TTLL4: variants seen among roughly 807,000 people sequenced by gnomAD.
TTLL4 encodes tubulin monoglutamylase TTLL4.
In TTLL4, 85 loss-of-function variants were observed where a neutral mutation model predicts 122.7. The ratio of observed to expected loss-of-function variants is 0.69; its 90% CI spans 0.58 to 0.83. TTLL4 has a LOEUF of 0.83. TTLL4 is among the 40% of genes least tolerant of loss of function. The probability of loss-of-function intolerance (pLI) is 0.00; values close to 1 mark genes in which losing one functional copy is unlikely to be tolerated. For missense variants in TTLL4, 1,363 were observed against 1,488.6 expected, an observed-to-expected ratio of 0.92 and a Z score of 1.39; for synonymous variants, 553 against 563.0, an observed-to-expected ratio of 0.98 and a Z score of 0.25.
chr2:218,740,445 G>A, intron 4 of TTLL4, 76 bp from the exon 5 acceptor site: 7 of 1,492,734 alleles, frequency 4.7e-6, no homozygotes, highest in Non-Finnish European at 6.5e-6. Flanking sequence ...GATATTCAAG[G>A]AAGAGTTGCC....
rs186419037 is a variant in TTLL4 at position 218,720,530 on chromosome 2, C to T, written c.-177-6739C>T. On this transcript the variant is annotated intron_variant, in intron 1 of 19. Coordinates refer to ENST00000392102, the MANE Select transcript of TTLL4 (RefSeq NM_014640.5). Reference sequence around the variant, plus strand: ...TCTCTACAAAAATACAAAAATTATCCGGGCACGATGGCGGGTGCCTGTAAT... The same window carrying T: ...TCTCTACAAAAATACAAAAATTATCTGGGCACGATGGCGGGTGCCTGTAAT... Among the ~76,000 whole-genome samples the T allele has an allele frequency of 2.9e-3, 445 of 152,002 alleles. 2 individuals carry two copies. Among genetic ancestry groups the T allele is most frequent in the African/African-American group, 9.4e-3 (389 of 41,464 alleles).
At chr2:218,722,468 G>C (rs955747560) in intron 1 of TTLL4, among the ~76,000 whole-genome samples, 3 of 152,058 alleles carry the variant, frequency 2.0e-5, no homozygotes, top group Non-Finnish European at 2.9e-5. Context: ...AATGATTGGG[G>C]TAGGACAATA....
chr2:218,745,644 C>A, intron 6 of TTLL4, 47 bp from the exon 7 acceptor site: 1 of 1,289,542 alleles, frequency 7.8e-7, no homozygotes, highest in Non-Finnish European at 1.1e-6. Context: ...TCATGACTCT[C>A]TGCTCCTCTC....
intron 2 of TTLL4, among the ~76,000 whole-genome samples, chr2:218,735,514 C>A (rs143933157): frequency 6.6e-6 from 1 of 152,144 alleles, no homozygotes; most frequent in African/African-American, 2.4e-5. Context: ...TCTGAGGCTG[C>A]AGTGAGCCAT....
intron 16 of TTLL4, 57 bp downstream of exon 16, chr2:218,751,863 G>T: frequency 1.5e-6 from 2 of 1,335,384 alleles, no homozygotes; most frequent in South Asian, 1.4e-5. Context: ...TCAAACATTT[G>T]GGACCCAAAA....
chr2:218,746,395 T>G, intron 8 of TTLL4, 164 bp downstream of exon 8: 1 of 672,992 alleles, frequency 1.5e-6, no homozygotes, highest in South Asian at 1.8e-5. Context: ...AGTGAGAGAC[T>G]CCAGTGGATC....
intron 1 of TTLL4, among the ~76,000 whole-genome samples, chr2:218,722,111 A>C (rs1188607277): frequency 6.6e-6 from 1 of 152,150 alleles, no homozygotes; most frequent in Non-Finnish European, 1.5e-5. Flanking sequence ...GCAAGACCTT[A>C]TCTCTACAAA....
rs189256953 is a variant in TTLL4, at chr2:218,738,823, G to C, written c.1147G>C (p.Ala383Pro). 2.1e-5 allele frequency: 34 copies of C among 1,614,204 alleles called. No homozygotes were observed. Among genetic ancestry groups the C allele is most frequent in the Non-Finnish European group, 8.5e-7 (1 of 1,180,042 alleles). The change falls in exon 3 of 20, where the codon GCG becomes CCG. Residue 383 changes from alanine (A) to proline (P), a missense_variant. This residue lies in a region of TTLL4 where 760 missense variants were observed against 808.4 expected (regional missense o/e 0.94). Coordinates refer to ENST00000392102, the MANE Select transcript of TTLL4 (RefSeq NM_014640.5). ...CAGGAGCAGGCGGTGGAAACCTCCT[G>C]CGGTAAATCAGCAGTTTCCTCAGGA... ...LNRSRRWKPP[A>P]VNQQFPQEDA...
At chr2:218,728,395 C>T (rs547807738) in intron 2 of TTLL4, among the ~76,000 whole-genome samples, 1 of 152,256 alleles carries the variant, frequency 6.6e-6, no homozygotes, top group African/African-American at 2.4e-5. Context: ...CAACCTAGAT[C>T]CCTTACATGG....
At position 218,747,612 on chromosome 2, in the gene TTLL4, C is replaced by G. The variant is rs528488196; in HGVS notation, c.2265C>G (p.Pro755=). 5.0e-6 allele frequency: 8 copies of G among 1,614,096 alleles called. No homozygotes were observed. The highest frequency in any genetic ancestry group is 1.6e-4 in the Middle Eastern group (1 of 6,082). The change falls in exon 11 of 20, where the codon CCC becomes CCG. Residue 755 remains proline, a synonymous_variant. Transcript: ENST00000392102. This position sits in a 1 kb window ranked among gnomAD's most constrained non-coding sequence, Gnocchi z 4.7. ...TCCTATGTAGGTATCTACACAAACC[C>G]TACCTCATCAGCGGCAGCAAGTTTG... ...PLLVQRYLHK[P]YLISGSKFDL... is the part of the protein sequence containing the mutation.
chr2:218,752,861 A>G lies in TTLL4; in HGVS notation c.3075A>G (p.Arg1025=). 6.2e-7 allele frequency: 1 copy of G among 1,614,084 alleles called. No individual in the cohort carries two copies. Among genetic ancestry groups the G allele is most frequent in the Non-Finnish European group, 8.5e-7 (1 of 1,180,024 alleles). The change falls in exon 17 of 20, where the codon CGA becomes CGG. Residue 1025 remains arginine (R), a synonymous_variant. Transcript: ENST00000392102. ...TTTCTCGCCGTGGTCAGTTTGAACG[A>G]ATTTTTCCTTCTCATATCTCCTCTC... ...DEFSRRGQFE[R]IFPSHISSRY...
downstream of TTLL4, among the ~76,000 whole-genome samples, chr2:218,759,208 G>A (rs904631161): frequency 1.5e-4 from 23 of 151,924 alleles, no homozygotes; most frequent in African/African-American, 5.1e-4. Flanking sequence ...TCGCCCCATT[G>A]CACTCCAGCC....
chr2:218,725,163 T>A (rs1228547501), intron 1 of TTLL4, among the ~76,000 whole-genome samples: 1 of 152,112 alleles, frequency 6.6e-6, no homozygotes, highest in African/African-American at 2.4e-5. Flanking sequence ...CACCTTGGCC[T>A]CCCAAAGTGC....
At chr2:218,724,594 A>C (rs1443483957) in intron 1 of TTLL4, among the ~76,000 whole-genome samples, 5 of 152,320 alleles carry the variant, frequency 3.3e-5, no homozygotes, top group South Asian at 2.1e-4. Context: ...GTTGCTGCAA[A>C]TGATGGGAGT....
chr2:218,718,868 G>C (rs1171483903), intron 1 of TTLL4, among the ~76,000 whole-genome samples: 1 of 152,176 alleles, frequency 6.6e-6, no homozygotes, highest in Non-Finnish European at 1.5e-5. Flanking sequence ...TCTGGAGCCA[G>C]GGACATCAGT....
At chr2:218,731,566 G>A (rs1448969167) in intron 2 of TTLL4, among the ~76,000 whole-genome samples, 1 of 152,182 alleles carries the variant, frequency 6.6e-6, no homozygotes, top group African/African-American at 2.4e-5. Context: ...AAGGGGCAGA[G>A]GGGAGATAGA....
In TTLL4 at chr2:218,752,819, T is replaced by G; in HGVS notation, c.3033T>G (p.Val1011=). The G allele has an allele frequency of 6.2e-7, 1 of 1,614,204 alleles. No individual in the cohort carries two copies. Among genetic ancestry groups the G allele is most frequent in the Non-Finnish European group, 8.5e-7 (1 of 1,180,034 alleles). The part of the protein sequence containing the change: ...VLTPDDVRIL[V]EMEDEFSRRG... ...CACCAGATGATGTTCGGATTCTGGTTGAGATGGAAGATGAGTTTTCTCGCC... is the reference window on the plus strand; with the variant it reads ...CACCAGATGATGTTCGGATTCTGGTGGAGATGGAAGATGAGTTTTCTCGCC... Residue 1011 remains valine, a synonymous_variant, in exon 17 of 20, where the codon GTT becomes GTG. Coordinates refer to ENST00000392102, the MANE Select transcript of TTLL4 (RefSeq NM_014640.5).
chr2:218,729,868 A>G (rs1942316243), intron 2 of TTLL4, among the ~76,000 whole-genome samples: 1 of 151,490 alleles, frequency 6.6e-6, no homozygotes, highest in Admixed American at 6.6e-5. Flanking sequence ...TGATCCTCCC[A>G]CTTCAGCCTC....
chr2:218,749,513 G>A, intron 14 of TTLL4, 126 bp downstream of exon 14: 1 of 1,380,638 alleles, frequency 7.2e-7, no homozygotes, highest in Admixed American at 2.4e-5. Flanking sequence ...CTGTCTCCCA[G>A]GCTGGAGTGC....
Sources: allele counts gnomAD v4.1 joint callset (sites outside exome capture counted in the v4.1 genomes callset), GRCh38; gene constraint gnomAD v4.1.1; regional missense constraint gnomAD v4.1.1; non-coding constraint Gnocchi (gnomAD v3.1); transcripts MANE v1.5; gene names NCBI Gene and HGNC (gene_info 2026-07-23, HGNC 2026-07-21).